The following KCNAB1 variants were observed in gnomAD, a reference collection of about 807,000 sequenced individuals.
KCNAB1 encodes the protein voltage-gated potassium channel subunit beta-1.
In KCNAB1, 35 loss-of-function variants were observed where a neutral mutation model predicts 64.6. The observed-to-expected ratio is 0.54, with a 90% confidence interval of 0.41 to 0.72. KCNAB1 has a LOEUF of 0.72. Among genes scored for constraint, KCNAB1 ranks in the 30% least tolerant of loss-of-function variants. The pLI is 0.00. For synonymous variants in KCNAB1, 177 were observed against 183.8 expected, an observed-to-expected ratio of 0.96 and a Z score of 0.30; for missense variants, 401 against 512.9, an observed-to-expected ratio of 0.78 and a Z score of 2.11.
chr3:156,171,233 C>A (rs1456199762), intron 1 of KCNAB1, among the ~76,000 whole-genome samples: 1 of 111,280 alleles, frequency 9.0e-6, no homozygotes, highest in Non-Finnish European at 1.9e-5. Context: ...ACACTGAAAT[C>A]AGTTCCCATT....
At chr3:156,411,548 G>A (rs187219979) in intron 1 of KCNAB1, among the ~76,000 whole-genome samples, 54 of 152,192 alleles carry the variant, frequency 3.5e-4, no homozygotes, top group African/African-American at 1.2e-3. Flanking sequence ...TGAGGTTTGT[G>A]TCAAGGTTCA....
intron 1 of KCNAB1, among the ~76,000 whole-genome samples, chr3:156,252,192 A>G (rs914863775): frequency 2.0e-5 from 3 of 152,228 alleles, no homozygotes; most frequent in Non-Finnish European, 4.4e-5. Context: ...GGCATCTCTG[A>G]TGCAGGAAAC....
intron 8 of KCNAB1, among the ~76,000 whole-genome samples, chr3:156,501,422 CTTTTT>C (rs34628325): frequency 7.3e-5 from 6 of 82,574 alleles, no homozygotes; most frequent in African/African-American, 2.8e-4. Context: ...GACTTAGTAC[CTTTTT>C]TTTTTTTTTT....
intron 1 of KCNAB1, among the ~76,000 whole-genome samples, chr3:156,182,695 A>ATTTTT (rs10624040): frequency 1.7e-4 from 22 of 132,704 alleles, no homozygotes; most frequent in African/African-American, 3.6e-4. Context: ...AAGTAAGACA[A>ATTTTT]TTTTTTTTTT....
chr3:156,128,029 G>A (rs1048328468), intron 1 of KCNAB1, among the ~76,000 whole-genome samples: 4 of 152,086 alleles, frequency 2.6e-5, no homozygotes, highest in Admixed American at 2.0e-4. Flanking sequence ...ACTGGACGTT[G>A]GTAAATTAGA....
chr3:156,382,517 A>AAACCAACC (rs1184049185), intron 1 of KCNAB1, among the ~76,000 whole-genome samples: 2 of 151,856 alleles, frequency 1.3e-5, no homozygotes, highest in Non-Finnish European at 2.9e-5. Context: ...ACAAACAAAA[A>AAACCAACC]AACCAACCAA....
chr3:156,267,222 G>A (rs924606944), intron 1 of KCNAB1, among the ~76,000 whole-genome samples: 2 of 152,094 alleles, frequency 1.3e-5, no homozygotes, highest in Admixed American at 1.3e-4. Context: ...TCAGCTCATA[G>A]TGCATAGTGA....
intron 1 of KCNAB1, among the ~76,000 whole-genome samples, chr3:156,406,657 T>C (rs1714267556): frequency 1.3e-5 from 2 of 152,180 alleles, no homozygotes; most frequent in Non-Finnish European, 2.9e-5. Context: ...CCTTGTCATG[T>C]TGGTCACTTA....
At chr3:156,530,389 T>C (rs1478102885) in intron 12 of KCNAB1, among the ~76,000 whole-genome samples, 1 of 152,116 alleles carries the variant, frequency 6.6e-6, no homozygotes, top group Non-Finnish European at 1.5e-5. Context: ...TGATTTTCTA[T>C]AGACATTAGG....
At chr3:156,149,974 A>C (rs977592011) in intron 1 of KCNAB1, among the ~76,000 whole-genome samples, 10 of 152,218 alleles carry the variant, frequency 6.6e-5, no homozygotes, top group Non-Finnish European at 1.5e-4. Flanking sequence ...AGCCTAGAAA[A>C]ATGCTACTCA....
chr3:156,317,894 A>G (rs1011045126), intron 1 of KCNAB1, among the ~76,000 whole-genome samples: 1 of 152,118 alleles, frequency 6.6e-6, no homozygotes, highest in African/African-American at 2.4e-5. Flanking sequence ...ACCTTCCAGC[A>G]ATATTAGCAT....
At chr3:156,181,565 C>G (rs1326819165) in intron 1 of KCNAB1, among the ~76,000 whole-genome samples, 1 of 152,054 alleles carries the variant, frequency 6.6e-6, no homozygotes, top group Non-Finnish European at 1.5e-5. Flanking sequence ...CTCTAGGAGG[C>G]TTATCTGGGA....
intron 1 of KCNAB1, among the ~76,000 whole-genome samples, chr3:156,204,042 G>T (rs893298725): frequency 5.9e-5 from 9 of 152,212 alleles, no homozygotes; most frequent in African/African-American, 1.7e-4. Context: ...AATATTTCAG[G>T]TCTGGGCACA....
intron 1 of KCNAB1, among the ~76,000 whole-genome samples, chr3:156,345,004 T>C (rs963671797): frequency 7.9e-5 from 12 of 152,352 alleles, no homozygotes; most frequent in African/African-American, 2.9e-4. Context: ...TAAAATCTTT[T>C]CTGGAATGAG....
At chr3:156,498,847 C>T (rs958776599) in intron 8 of KCNAB1, among the ~76,000 whole-genome samples, 1 of 152,208 alleles carries the variant, frequency 6.6e-6, no homozygotes, top group Non-Finnish European at 1.5e-5. Context: ...CAAGTGGAAT[C>T]AAGATGCTGA....
chr3:156,515,325 C>G (rs1347291611), intron 10 of KCNAB1, 105 bp downstream of exon 10: 1 of 1,022,192 alleles, frequency 9.8e-7, no homozygotes, highest in Admixed American at 2.5e-5. Context: ...CTAAATGTCC[C>G]TAATTAACAT....
At chr3:156,177,607 G>C (rs1241671774) in intron 1 of KCNAB1, among the ~76,000 whole-genome samples, 1 of 152,170 alleles carries the variant, frequency 6.6e-6, no homozygotes, top group East Asian at 1.9e-4. Context: ...TCGATCTCCT[G>C]ACCTCGTGAT....
At chr3:156,188,259 A>G in intron 1 of KCNAB1, among the ~76,000 whole-genome samples, 1 of 151,606 alleles carries the variant, frequency 6.6e-6, no homozygotes, top group Non-Finnish European at 1.5e-5. Flanking sequence ...AAAATTTTGG[A>G]AAATATGGAA....
chr3:156,502,337 T>C (rs1348419442), intron 8 of KCNAB1, among the ~76,000 whole-genome samples: 1 of 152,030 alleles, frequency 6.6e-6, no homozygotes, highest in African/African-American at 2.4e-5. Context: ...GATAAATTGA[T>C]GTAATATAAT....
Sources: allele counts gnomAD v4.1 joint callset (sites outside exome capture counted in the v4.1 genomes callset), GRCh38; gene constraint gnomAD v4.1.1; transcripts MANE v1.5; gene names NCBI Gene and HGNC (gene_info 2026-07-23, HGNC 2026-07-21).